Variants in SLC27A2 observed in about 807,000 individuals in gnomAD.
The protein encoded by SLC27A2 is long-chain fatty acid transport protein 2.
Under a neutral mutation model 60.0 loss-of-function variants are expected in SLC27A2, and 54 were observed. The observed-to-expected ratio is 0.90, with a 90% CI of 0.72 to 1.13. The LOEUF (loss-of-function observed/expected upper bound fraction) is 1.13. SLC27A2 is among the 50% of genes most tolerant of loss of function. The pLI, the probability that SLC27A2 is intolerant of heterozygous loss-of-function variation, is 0.00. For synonymous variants in SLC27A2, 297 were observed against 297.6 expected (o/e 1.00, Z 0.02); for missense variants, 739 against 777.6 (o/e 0.95, Z 0.59).
chr15:50,223,243 T>G, intron 5 of SLC27A2, 84 bp downstream of exon 5: 1 of 1,023,602 alleles, frequency 9.8e-7, no homozygotes, highest in South Asian at 1.6e-5. Flanking sequence ...GATGATGTTA[T>G]CAGAAGTCAG....
chr15:50,193,032 C>A (rs1478079551), intron 1 of SLC27A2, among the ~76,000 whole-genome samples: 3 of 152,164 alleles, frequency 2.0e-5, no homozygotes, highest in Non-Finnish European at 2.9e-5. Flanking sequence ...CTTCTCCCAA[C>A]CTTATTCCCC....
At position 50,226,983 on chromosome 15, in the gene SLC27A2, A is replaced by C; in HGVS notation, c.1262A>C (p.Glu421Ala). The C allele has an allele frequency of 6.2e-7, 1 of 1,613,318 alleles. No individual in the cohort carries two copies. The highest frequency in any genetic ancestry group is 8.5e-7 in the Non-Finnish European group (1 of 1,179,648). ...NGYCVRVPKG[E>A]VGLLVCKITQ... Reference sequence around the variant, plus strand: ...AGTTTACTTTCTTCTGTCTTAGGTGAAGTTGGACTTCTGGTTTGCAAAATC... The same window carrying C: ...AGTTTACTTTCTTCTGTCTTAGGTGCAGTTGGACTTCTGGTTTGCAAAATC... Residue 421 changes from glutamate to alanine, a missense_variant, in exon 7 of 10, where the codon GAA becomes GCA. Glu to Ala is a moderately radical substitution (Grantham distance 107). Transcript: ENST00000267842.
intron 1 of SLC27A2, among the ~76,000 whole-genome samples, chr15:50,196,003 A>G (rs1335246499): frequency 2.2e-5 from 3 of 137,884 alleles, no homozygotes; most frequent in African/African-American, 8.0e-5. Flanking sequence ...GCAGTGAGCC[A>G]AGATCGCGCC....
chr15:50,183,899 C>CCAG (rs2044896381), intron 1 of SLC27A2, among the ~76,000 whole-genome samples: 1 of 151,788 alleles, frequency 6.6e-6, no homozygotes, highest in African/African-American at 2.4e-5. Flanking sequence ...ATCACTATCC[C>CCAG]CACCACCACC....
In SLC27A2 at chr15:50,234,595, A is replaced by G. The variant is rs183863007; in HGVS notation, c.1686+597A>G. On this transcript the variant is annotated intron_variant, in intron 9 of 9. Transcript: ENST00000267842. ...GAGTGAGACTCCATCTCCAAAAAAA[A>G]AAAAAAAAAAAAAATTAGCCAGGCA... is the stretch of plus-strand genomic sequence containing the variant. 7.6e-3 allele frequency among the ~76,000 whole-genome samples: 1,149 copies of G among 151,416 alleles called. 19 individuals are homozygous for G. Among genetic ancestry groups the G allele is most frequent in the African/African-American group, 0.027 (1,122 of 41,184 alleles).
chr15:50,188,280 G>T (rs966727759), intron 1 of SLC27A2, among the ~76,000 whole-genome samples: 3 of 152,118 alleles, frequency 2.0e-5, no homozygotes, highest in Non-Finnish European at 4.4e-5. Context: ...GTTCTGATCA[G>T]GTGCTTAAAA....
chr15:50,222,865 A>G (rs1323842138), intron 4 of SLC27A2, 100 bp from the exon 5 acceptor site: 3 of 964,198 alleles, frequency 3.1e-6, no homozygotes, highest in Non-Finnish European at 4.6e-6. Flanking sequence ...AGGCAATGTC[A>G]GTATAAATTA....
chr15:50,234,453 A>G (rs6493422), intron 9 of SLC27A2, among the ~76,000 whole-genome samples: 22,014 of 151,712 alleles, frequency 0.15, 1,657 homozygotes, highest in Middle Eastern at 0.18. Flanking sequence ...TGGGCGTGGT[A>G]GTGCATGCCT....
chr15:50,194,565 G>C (rs887897185), intron 1 of SLC27A2, among the ~76,000 whole-genome samples: 1 of 152,118 alleles, frequency 6.6e-6, no homozygotes. Flanking sequence ...TCTTAAACAG[G>C]GTGGCAACAA....
chr15:50,209,169 T>C (rs756530171), intron 4 of SLC27A2, among the ~76,000 whole-genome samples: 9 of 152,200 alleles, frequency 5.9e-5, no homozygotes, highest in Non-Finnish European at 1.3e-4. Context: ...CTGAAAAAGC[T>C]GAATAGATTC....
At chr15:50,197,290 G>C (rs930351171) in intron 1 of SLC27A2, among the ~76,000 whole-genome samples, 1 of 152,056 alleles carries the variant, frequency 6.6e-6, no homozygotes, top group Non-Finnish European at 1.5e-5. Flanking sequence ...TTGAGGCCAG[G>C]AGTTCAAGAC....
rs751899046 is a variant in SLC27A2, at chr15:50,197,573, A to G, written c.552A>G (p.Arg184=). The G allele has an allele frequency of 6.2e-7, 1 of 1,614,066 alleles. No homozygotes were observed. Among genetic ancestry groups the G allele is most frequent in the Non-Finnish European group, 8.5e-7 (1 of 1,179,930 alleles). The change falls in exon 2 of 10, where the codon AGA becomes AGG. Residue 184 remains arginine (R), a synonymous_variant. Coordinates refer to ENST00000267842, the MANE Select transcript of SLC27A2 (RefSeq NM_003645.4). The part of the protein sequence containing the change: ...KDDVSIYYVS[R]TSNTDGIDSF... ...ATGTGTCCATCTATTATGTGAGCAG[A>G]ACTTCTAACACAGATGGGATTGACT...
intron 4 of SLC27A2, among the ~76,000 whole-genome samples, chr15:50,220,859 A>G (rs1189692383): frequency 1.3e-5 from 2 of 152,148 alleles, no homozygotes; most frequent in African/African-American, 4.8e-5. Context: ...ACTTAACGGG[A>G]GCTTGGTAAT....
At chr15:50,194,103 G>A (rs932450375) in intron 1 of SLC27A2, among the ~76,000 whole-genome samples, 5 of 152,062 alleles carry the variant, frequency 3.3e-5, no homozygotes, top group African/African-American at 9.7e-5. Context: ...CCATGATCAC[G>A]CCACTGCACT....
chr15:50,210,597 G>A (rs1370294083), intron 4 of SLC27A2, among the ~76,000 whole-genome samples: 1 of 152,178 alleles, frequency 6.6e-6, no homozygotes, highest in Non-Finnish European at 1.5e-5. Flanking sequence ...GAATTCTCTA[G>A]CTAAACTTTG....
chr15:50,227,513 G>A (rs970509149), intron 7 of SLC27A2, among the ~76,000 whole-genome samples: 1 of 152,192 alleles, frequency 6.6e-6, no homozygotes, highest in Admixed American at 6.5e-5. Context: ...TTCCAATCAT[G>A]GAGGTGTTTA....
At chr15:50,183,660 G>T (rs534606797) in intron 1 of SLC27A2, among the ~76,000 whole-genome samples, 1 of 152,158 alleles carries the variant, frequency 6.6e-6, no homozygotes, top group Admixed American at 6.5e-5. Flanking sequence ...CAGAGAACCT[G>T]TTACTCACAG....
rs1461026289 is a variant in SLC27A2, at chr15:50,223,048, A to G, written c.1056A>G (p.Arg352=). 1.2e-6 allele frequency: 2 copies of G among 1,613,906 alleles called. No homozygotes were observed. Among genetic ancestry groups the G allele is most frequent in the Admixed American group, 1.7e-5 (1 of 59,996 alleles). ...ATGTGTGGAGACAATTTGTCAAGAG[A>G]TTTGGGGACATATGCATCTATGAGT... ...RGDVWRQFVK[R]FGDICIYEFY... Residue 352 remains arginine (R), a synonymous_variant, in exon 5 of 10, where the codon AGA becomes AGG. Transcript: ENST00000267842.
intron 3 of SLC27A2, among the ~76,000 whole-genome samples, chr15:50,204,600 G>T (rs149126379): frequency 1.3e-5 from 2 of 151,942 alleles, no homozygotes; most frequent in African/African-American, 4.8e-5. Context: ...AGGTGTGGTG[G>T]CACGCGCCTG....
Sources: allele counts gnomAD v4.1 joint callset (sites outside exome capture counted in the v4.1 genomes callset), GRCh38; gene constraint gnomAD v4.1.1; transcripts MANE v1.5; gene names NCBI Gene and HGNC (gene_info 2026-07-23, HGNC 2026-07-21).